The following ADGRL3 variants were observed in gnomAD, a reference collection of about 807,000 sequenced individuals.
ADGRL3 encodes adhesion G protein-coupled receptor L3, also known as calcium-independent alpha-latrotoxin receptor 3.
In ADGRL3, 62 loss-of-function variants were observed where a neutral mutation model predicts 153.5. The ratio of observed to expected loss-of-function variants is 0.40; its 90% confidence interval spans 0.33 to 0.50. ADGRL3 has a LOEUF of 0.50. Ranked by LOEUF, ADGRL3 falls within the 20% of genes least tolerant of loss-of-function variation. ADGRL3 has a pLI of 0.47. For missense variants in ADGRL3, 1,641 were observed against 1,859.4 expected (o/e 0.88, Z 2.16); for synonymous variants, 710 against 672.5 (o/e 1.06, Z -0.86).
chr4:61,456,020 T>A (rs1437906276), intron 2 of ADGRL3, among the ~76,000 whole-genome samples: 1 of 151,932 alleles, frequency 6.6e-6, no homozygotes, highest in Non-Finnish European at 1.5e-5. Flanking sequence ...TTCTCCACGT[T>A]GGCCAGGCTG....
chr4:61,469,941 A>C (rs988849335), intron 2 of ADGRL3, among the ~76,000 whole-genome samples: 14 of 151,914 alleles, frequency 9.2e-5, no homozygotes, highest in Non-Finnish European at 7.4e-5. Context: ...CAAAACAAAA[A>C]AAAACAAACC....
Position 61,503,767 on chromosome 4 carries a change from T to C in ADGRL3, c.55+6419T>C, listed in dbSNP as rs2152836528. Among the ~76,000 whole-genome samples, 2 of 152,310 alleles carry C rather than the reference T, an allele frequency of 1.3e-5. 1 individual carries two copies. Among genetic ancestry groups the C allele is most frequent in the South Asian group, 4.1e-4 (2 of 4,826 alleles). ...ATTTTTTATGAATACATAATATTTG[T>C]ACATGTTTATGGGGGTACTTATACA... On this transcript the variant is annotated intron_variant, in intron 3 of 26. Transcript: ENST00000683033.
intron 8 of ADGRL3, among the ~76,000 whole-genome samples, chr4:61,761,205 A>G (rs2096908653): frequency 6.6e-6 from 1 of 152,212 alleles, no homozygotes; most frequent in African/African-American, 2.4e-5. Context: ...CTCCTAAACC[A>G]TAATTTCTAA....
chr4:61,901,109 T>A (rs989975563), intron 11 of ADGRL3, among the ~76,000 whole-genome samples: 17 of 152,196 alleles, frequency 1.1e-4, no homozygotes, highest in African/African-American at 4.1e-4. Flanking sequence ...CTTTATTATT[T>A]ACATGCAAAG....
intron 1 of ADGRL3, among the ~76,000 whole-genome samples, chr4:61,375,138 T>G (rs145835296): frequency 8.8e-4 from 134 of 152,190 alleles, no homozygotes; most frequent in African/African-American, 3.0e-3. Context: ...TTACAAAAAT[T>G]TGGTAACTCT....
chr4:61,211,362 T>C (rs1010844252), intron 1 of ADGRL3, among the ~76,000 whole-genome samples: 1 of 152,210 alleles, frequency 6.6e-6, no homozygotes, highest in Non-Finnish European at 1.5e-5. Flanking sequence ...ATTCATTCCC[T>C]TTCCCACAGT....
intron 4 of ADGRL3, among the ~76,000 whole-genome samples, chr4:61,558,204 C>T (rs1230538853): frequency 8.0e-6 from 1 of 124,966 alleles, no homozygotes; most frequent in Admixed American, 7.9e-5. Context: ...ATGATTTACA[C>T]TGTGTCTTAT....
chr4:61,887,813 C>T (rs1232967231), intron 9 of ADGRL3, among the ~76,000 whole-genome samples: 1 of 151,694 alleles, frequency 6.6e-6, no homozygotes, highest in African/African-American at 2.4e-5. Flanking sequence ...CCACTGCACT[C>T]CAGCTTGGCA....
At chr4:61,839,144 T>C (rs746253811) in intron 9 of ADGRL3, among the ~76,000 whole-genome samples, 1 of 152,136 alleles carries the variant, frequency 6.6e-6, no homozygotes, top group Non-Finnish European at 1.5e-5. Flanking sequence ...TTCTGTGGTA[T>C]ACTTTTTTAT....
chr4:61,679,846 ATT>A (rs2095294770), intron 6 of ADGRL3, among the ~76,000 whole-genome samples: 1 of 152,024 alleles, frequency 6.6e-6, no homozygotes, highest in Non-Finnish European at 1.5e-5. Context: ...TTCATGAGCT[ATT>A]TAATCTTATA....
intron 5 of ADGRL3, among the ~76,000 whole-genome samples, chr4:61,598,035 T>C (rs1347136939): frequency 2.6e-5 from 4 of 152,112 alleles, no homozygotes; most frequent in Non-Finnish European, 4.4e-5. Context: ...TTCTAGGTAA[T>C]TCAAGTAGAT....
At chr4:61,412,986 A>G (rs1195397290) in intron 2 of ADGRL3, among the ~76,000 whole-genome samples, 2 of 152,174 alleles carry the variant, frequency 1.3e-5, no homozygotes, top group Non-Finnish European at 2.9e-5. Context: ...AATGATTTTC[A>G]GTTGAAAACT....
At chr4:61,289,093 G>A (rs2094064019) in intron 1 of ADGRL3, among the ~76,000 whole-genome samples, 1 of 151,886 alleles carries the variant, frequency 6.6e-6, no homozygotes, top group Non-Finnish European at 1.5e-5. Context: ...CTGTGATGTA[G>A]CACAGCGGAG....
intron 1 of ADGRL3, among the ~76,000 whole-genome samples, chr4:61,343,010 A>T (rs554269200): frequency 2.0e-5 from 3 of 152,196 alleles, no homozygotes; most frequent in African/African-American, 7.2e-5. Flanking sequence ...AGAGAGAAAA[A>T]TGAGAGCCAA....
At chr4:61,983,360 A>G (rs1054960637) in intron 18 of ADGRL3, 23 bp from the exon 19 acceptor site, 1 of 1,595,328 alleles carries the variant, frequency 6.3e-7, no homozygotes, top group African/African-American at 1.3e-5. Context: ...AGATTTGACT[A>G]AATCATTTGT....
intron 5 of ADGRL3, among the ~76,000 whole-genome samples, chr4:61,622,389 G>A (rs1468536308): frequency 2.0e-5 from 3 of 152,056 alleles, no homozygotes; most frequent in Non-Finnish European, 4.4e-5. Context: ...ATCCAACAAT[G>A]AGAGGATGAA....
At chr4:61,918,094 G>T (rs1266485556) in intron 13 of ADGRL3, among the ~76,000 whole-genome samples, 1 of 152,158 alleles carries the variant, frequency 6.6e-6, no homozygotes, top group South Asian at 2.1e-4. Context: ...ACAGCCACTT[G>T]GATTAGCATA....
chr4:61,273,163 A>G (rs1016549404), intron 1 of ADGRL3, among the ~76,000 whole-genome samples: 1 of 152,198 alleles, frequency 6.6e-6, no homozygotes, highest in African/African-American at 2.4e-5. Flanking sequence ...AACACAGAGT[A>G]AGGAGACATG....
At chr4:61,258,107 G>A (rs1343646676) in intron 1 of ADGRL3, among the ~76,000 whole-genome samples, 2 of 152,136 alleles carry the variant, frequency 1.3e-5, no homozygotes, top group Non-Finnish European at 2.9e-5. Flanking sequence ...ACTAAATACT[G>A]ATTATCACAA....
Sources: gnomAD v4.1 joint callset for allele counts (sites outside exome capture counted in the v4.1 genomes callset) on GRCh38, gnomAD v4.1.1 for gene constraint, MANE v1.5 for transcripts, NCBI Gene and HGNC (gene_info 2026-07-23, HGNC 2026-07-21) for gene names.